The following USP34 variants were observed in gnomAD, a reference collection of about 807,000 sequenced individuals.
USP34 encodes ubiquitin carboxyl-terminal hydrolase 34.
Under a neutral mutation model 460.3 loss-of-function variants are expected in USP34, and 70 were observed. That is an observed-to-expected ratio of 0.15 (90% confidence interval 0.13 to 0.19). USP34 has a LOEUF of 0.19. Ranked by LOEUF, USP34 falls within the 10% of genes least tolerant of loss-of-function variation. USP34 has a pLI of 1.00. For synonymous variants in USP34, 1,647 were observed against 1,405.3 expected (o/e 1.17, Z -3.85); for missense variants, 3,985 against 4,236.2 (o/e 0.94, Z 1.65).
At chr2:61,353,685 C>T (rs1365670945) in intron 10 of USP34, among the ~76,000 whole-genome samples, 1 of 151,880 alleles carries the variant, frequency 6.6e-6, no homozygotes, top group African/African-American at 2.4e-5. Context: ...CCTGCCTCGG[C>T]CTCCCAAAGT....
In USP34 at chr2:61,265,557, G is replaced by A; in HGVS notation, c.5618C>T (p.Ser1873Phe). ...HNWVMAQHMQ[S>F]HAPYKWDYWP... ...GTAATCCCATTTATAAGGTGCATGG[G>A]CTGCTGAAGAAAGAGGGAGGAAAAG... Residue 1873 changes from serine (S) to phenylalanine (F), a missense_variant and splice_region_variant, in exon 43 of 80, where the codon TCC becomes TTC. Physicochemically the swap from Ser to Phe is radical, Grantham distance 155. This residue lies in a region of USP34 where 1,114 missense variants were observed against 1,122.5 expected (regional missense o/e 0.99). Transcript: ENST00000398571. 1 of 1,587,340 alleles carries A rather than the reference G, an allele frequency of 6.3e-7. No homozygotes were observed. Among genetic ancestry groups the A allele is most frequent in the East Asian group, 2.3e-5 (1 of 44,256 alleles).
intron 19 of USP34, among the ~76,000 whole-genome samples, chr2:61,332,658 G>C (rs1691305455): frequency 6.6e-6 from 1 of 151,892 alleles, no homozygotes; most frequent in South Asian, 2.1e-4. Flanking sequence ...AAAAATTATA[G>C]AAAGAGGCAA....
At chr2:61,381,215 A>T (rs1033128230) in intron 6 of USP34, among the ~76,000 whole-genome samples, 14 of 118,854 alleles carry the variant, frequency 1.2e-4, no homozygotes, top group Non-Finnish European at 1.5e-4. Flanking sequence ...AAAAAAAAAA[A>T]AATAAATAAA....
rs1693094340 is a variant in USP34, at chr2:61,385,073, A to G, written c.754-1737T>C. Among the ~76,000 whole-genome samples, 3 of 152,110 alleles carry G rather than the reference A, an allele frequency of 2.0e-5. 1 individual carries two copies. In the South Asian group the frequency reaches 6.2e-4, roughly 32 times the overall value. On this transcript the variant is annotated intron_variant, in intron 5 of 79. Transcript: ENST00000398571. ...TATCTATACATACACACAACACCCT[A>G]TATATGTTCTTTTCTTATTATTTGT...
intron 78 of USP34, 87 bp from the exon 79 acceptor site, chr2:61,189,156 C>G: frequency 7.2e-7 from 1 of 1,382,572 alleles, no homozygotes; most frequent in East Asian, 2.4e-5. Flanking sequence ...TGTTTATTTT[C>G]CCAGGAATCC....
At chr2:61,380,066 T>A in intron 7 of USP34, 103 bp downstream of exon 7, 1 of 935,654 alleles carries the variant, frequency 1.1e-6, no homozygotes, top group Non-Finnish European at 1.6e-6. Flanking sequence ...ATAAAATACT[T>A]AGCACAATGC....
At chr2:61,393,628 T>C (rs1693422473) in intron 5 of USP34, among the ~76,000 whole-genome samples, 1 of 152,126 alleles carries the variant, frequency 6.6e-6, no homozygotes, top group South Asian at 2.1e-4. Context: ...TTGGAAACAA[T>C]GCAACAAAAT....
At chr2:61,275,355 A>G (rs1404013037) in intron 41 of USP34, among the ~76,000 whole-genome samples, 1 of 152,196 alleles carries the variant, frequency 6.6e-6, no homozygotes. Flanking sequence ...GTTGGCTCAC[A>G]TCGGTAATCC....
chr2:61,465,225 T>C (rs145436676), intron 1 of USP34, among the ~76,000 whole-genome samples: 58 of 152,266 alleles, frequency 3.8e-4, no homozygotes, highest in African/African-American at 1.3e-3. Flanking sequence ...GTACTTATGA[T>C]AGGATCCTTA....
intron 1 of USP34, among the ~76,000 whole-genome samples, chr2:61,461,189 A>C (rs1695589010): frequency 6.6e-6 from 1 of 151,622 alleles, no homozygotes; most frequent in Admixed American, 6.6e-5. Context: ...TCAGGAGTTC[A>C]AGACCAGCCT....
intron 1 of USP34, among the ~76,000 whole-genome samples, chr2:61,437,978 G>A (rs751507936): frequency 6.6e-6 from 1 of 151,690 alleles, no homozygotes; most frequent in Non-Finnish European, 1.5e-5. Context: ...TTGAAGCAAA[G>A]TTAATTCTTC....
At chr2:61,273,189 ATCT>A (rs1689268138) in intron 41 of USP34, among the ~76,000 whole-genome samples, 1 of 152,238 alleles carries the variant, frequency 6.6e-6, no homozygotes, top group Non-Finnish European at 1.5e-5. Context: ...AGGAAAAAGA[ATCT>A]TCTAAATAAA....
chr2:61,311,478 G>GAAAACGAAAAAAAAGAGAAAA lies in USP34; in HGVS notation c.3817+61_3817+62insTTTTCTCTTTTTTTTCGTTTT, dbSNP rs1553368197. 16 of 1,480,494 alleles carry GAAAACGAAAAAAAAGAGAAAA rather than the reference G, an allele frequency of 1.1e-5. No individual in the cohort carries two copies. The African/African-American group carries it at 2.3e-4, about 21-fold the overall frequency. 91.7% of individuals were successfully genotyped at this position (1,480,494 alleles called of 1,614,324 possible). A position where few individuals can be genotyped will look rare whatever the true frequency, so the allele number is the denominator to read the frequency against. ...AGAAAAGGAAAGGAGAAAAGAGAAA[G>GAAAACGAAAAAAAAGAGAAAA]AGAAAGAGAAAAAGAAAGAAAGAGA... On this transcript the variant is annotated intron_variant, in intron 27 of 79. Transcript: ENST00000398571.
chr2:61,239,615 G>A lies in USP34; in HGVS notation c.6777+1945C>T, dbSNP rs527751736. ...GTTTAGTAGCTTCAAATCTAATGAA[G>A]CCATTTATAATGAATACCATCTAAT... On this transcript the variant is annotated intron_variant, in intron 53 of 79. Transcript: ENST00000398571. Among the ~76,000 whole-genome samples, 10 of 152,174 alleles carry A rather than the reference G, an allele frequency of 6.6e-5. No homozygotes were observed. The South Asian group carries it at 1.2e-3, about 19-fold the overall frequency.
chr2:61,317,689 C>T lies in USP34; in HGVS notation c.3247G>A (p.Ala1083Thr), dbSNP rs1690794001. 6.2e-7 allele frequency: 1 copy of T among 1,614,064 alleles called. No individual in the cohort carries two copies. ...GAACAACCATCATAGGCACTGGTAG[C>T]CAATCGAGCCAAGTTACAGAGATGC... ...FQHLCNLARL[A>T]TSAYDGCSNS... Residue 1083 changes from alanine to threonine, a missense_variant, in exon 23 of 80, where the codon GCT becomes ACT. By Grantham distance (58) the Ala-to-Thr change is moderately conservative. Coordinates refer to ENST00000398571, the MANE Select transcript of USP34 (RefSeq NM_014709.4).
chr2:61,345,228 C>G (rs949122826), intron 15 of USP34, among the ~76,000 whole-genome samples: 2 of 151,264 alleles, frequency 1.3e-5, no homozygotes, highest in Non-Finnish European at 2.9e-5. Context: ...GAGCCAGGAT[C>G]GTGCCACTGC....
chr2:61,341,665 G>A (rs1361954589), intron 16 of USP34, among the ~76,000 whole-genome samples: 2 of 151,408 alleles, frequency 1.3e-5, no homozygotes, highest in Non-Finnish European at 2.9e-5. Flanking sequence ...ACCAGAAGCA[G>A]ATGCTGGCAC....
At chr2:61,414,945 G>A (rs1339017852) in intron 2 of USP34, among the ~76,000 whole-genome samples, 1 of 152,136 alleles carries the variant, frequency 6.6e-6, no homozygotes, top group African/African-American at 2.4e-5. Context: ...TGCAGATGAA[G>A]ACTTGGACTG....
At chr2:61,439,731 C>T (rs111993886) in intron 1 of USP34, among the ~76,000 whole-genome samples, 58 of 152,290 alleles carry the variant, frequency 3.8e-4, no homozygotes, top group African/African-American at 1.3e-3. Flanking sequence ...TGACCCTTGC[C>T]TGTGTCTCAC....
Sources: gnomAD v4.1 joint callset for allele counts (sites outside exome capture counted in the v4.1 genomes callset) on GRCh38, gnomAD v4.1.1 for gene constraint, gnomAD v4.1.1 regional missense constraint, MANE v1.5 for transcripts, NCBI Gene and HGNC (gene_info 2026-07-23, HGNC 2026-07-21) for gene names.